SGCZ: variants seen among roughly 807,000 people sequenced by gnomAD.
The protein encoded by SGCZ is sarcoglycan zeta, also known as zeta-sarcoglycan.
Under a neutral mutation model 41.3 loss-of-function variants are expected in SGCZ, and 40 were observed. The observed-to-expected ratio is 0.97, with a 90% CI of 0.75 to 1.26. The LOEUF is 1.26. SGCZ is among the 50% of genes most tolerant of loss of function. The probability of loss-of-function intolerance (pLI) is 0.00; values close to 1 mark genes in which losing one functional copy is unlikely to be tolerated. For synonymous variants in SGCZ, 206 were observed against 137.5 expected (o/e 1.50, Z -3.49); for missense variants, 552 against 369.8 (o/e 1.49, Z -4.04).
intron 1 of SGCZ, among the ~76,000 whole-genome samples, chr8:14,929,724 T>G (rs1389329822): frequency 6.6e-6 from 1 of 152,026 alleles, no homozygotes; most frequent in African/African-American, 2.4e-5. Context: ...CTGACAGCAG[T>G]GGTATGAATG....
chr8:14,797,825 A>G (rs1007342160), intron 1 of SGCZ, among the ~76,000 whole-genome samples: 5 of 152,184 alleles, frequency 3.3e-5, no homozygotes, highest in Non-Finnish European at 5.9e-5. Flanking sequence ...TGCCCCAGCC[A>G]TGGCTTAAAG....
At chr8:14,971,439 C>G (rs1392369401) in intron 1 of SGCZ, among the ~76,000 whole-genome samples, 6 of 152,126 alleles carry the variant, frequency 3.9e-5, no homozygotes, top group East Asian at 3.9e-4. Context: ...TTTTGAGAAA[C>G]TGCATTTCTA....
chr8:14,643,917 A>G (rs1411150961), intron 1 of SGCZ, among the ~76,000 whole-genome samples: 17 of 151,772 alleles, frequency 1.1e-4, no homozygotes, highest in Non-Finnish European at 2.9e-5. Context: ...CAATGTATAA[A>G]TTAAAAATAA....
At position 14,090,325 on chromosome 8, in the gene SGCZ, G is replaced by T; in HGVS notation, c.*118C>A. ...TGGCGAATCCCTGCTCACACTGGAAGTTGCTCTGTGGACCATTCGAAGAAG... is the reference window on the plus strand; with the variant it reads ...TGGCGAATCCCTGCTCACACTGGAATTTGCTCTGTGGACCATTCGAAGAAG... On this transcript the variant is annotated 3_prime_UTR_variant, in exon 8 of 8. Transcript: ENST00000382080. The T allele has an allele frequency of 2.0e-6, 2 of 1,024,746 alleles. No individual in the cohort carries two copies. Among genetic ancestry groups the T allele is most frequent in the Non-Finnish European group, 2.8e-6 (2 of 720,164 alleles). 63.5% of individuals were successfully genotyped at this position (1,024,746 alleles called of 1,614,324 possible). A position where few individuals can be genotyped will look rare whatever the true frequency, so the allele number is the denominator to read the frequency against.
chr8:14,944,515 A>G (rs906760218), intron 1 of SGCZ, among the ~76,000 whole-genome samples: 6 of 152,238 alleles, frequency 3.9e-5, no homozygotes, highest in Admixed American at 6.5e-5. Context: ...AGGCCATTCT[A>G]TCACATTAAC....
intron 2 of SGCZ, among the ~76,000 whole-genome samples, chr8:14,326,004 CGGAAGGCTGAGGCA>C: frequency 6.8e-6 from 1 of 145,990 alleles, no homozygotes; most frequent in Admixed American, 7.0e-5. Context: ...CCCAGGTACT[CGGAAGGCTGAGGCA>C]GGAGAATGGC....
At chr8:14,552,793 C>T (rs974204304) in intron 2 of SGCZ, among the ~76,000 whole-genome samples, 3 of 151,980 alleles carry the variant, frequency 2.0e-5, no homozygotes, top group Admixed American at 6.6e-5. Context: ...TGTAATTACG[C>T]ATTTAAGTAT....
At chr8:14,340,811 A>G (rs1273161365) in intron 2 of SGCZ, among the ~76,000 whole-genome samples, 1 of 152,172 alleles carries the variant, frequency 6.6e-6, no homozygotes, top group Non-Finnish European at 1.5e-5. Flanking sequence ...AACCATTTAA[A>G]TAATTTTTAA....
chr8:15,207,421 A>G (rs1801102038), intron 1 of SGCZ, among the ~76,000 whole-genome samples: 2 of 152,218 alleles, frequency 1.3e-5, no homozygotes, highest in Non-Finnish European at 2.9e-5. Context: ...GAGGACAGAA[A>G]GGATCTGGTG....
chr8:15,156,630 C>T (rs1403089385), intron 1 of SGCZ, among the ~76,000 whole-genome samples: 1 of 152,160 alleles, frequency 6.6e-6, no homozygotes, highest in Non-Finnish European at 1.5e-5. Flanking sequence ...CTTATCTTTG[C>T]AATACATACC....
At chr8:15,219,636 G>A (rs1801525015) in intron 1 of SGCZ, among the ~76,000 whole-genome samples, 1 of 152,148 alleles carries the variant, frequency 6.6e-6, no homozygotes, top group Non-Finnish European at 1.5e-5. Context: ...TGGATACTGA[G>A]TAGCTGAGAT....
chr8:14,489,427 A>G (rs1165144007), intron 2 of SGCZ, among the ~76,000 whole-genome samples: 1 of 152,156 alleles, frequency 6.6e-6, no homozygotes. Flanking sequence ...ATTTTACCAA[A>G]TAGATTGACT....
At chr8:15,051,566 T>C (rs1804514831) in intron 1 of SGCZ, among the ~76,000 whole-genome samples, 1 of 152,166 alleles carries the variant, frequency 6.6e-6, no homozygotes, top group Non-Finnish European at 1.5e-5. Context: ...AGGTGTATGT[T>C]AAGCTTTAGG....
chr8:15,201,118 G>T (rs1010918818), intron 1 of SGCZ, among the ~76,000 whole-genome samples: 11 of 152,150 alleles, frequency 7.2e-5, no homozygotes, highest in African/African-American at 2.7e-4. Context: ...CCAGGTTCAG[G>T]CGATTCTCCC....
intron 4 of SGCZ, among the ~76,000 whole-genome samples, chr8:14,213,932 A>G (rs1446107288): frequency 1.3e-5 from 2 of 152,246 alleles, no homozygotes; most frequent in East Asian, 3.9e-4. Flanking sequence ...TAAGGTGGAA[A>G]AACTTAACTC....
At chr8:14,294,554 A>C (rs1027443028) in intron 3 of SGCZ, among the ~76,000 whole-genome samples, 3 of 152,060 alleles carry the variant, frequency 2.0e-5, no homozygotes, top group African/African-American at 7.2e-5. Flanking sequence ...AAATGTGAAA[A>C]AATTGTTAAA....
chr8:14,278,504 T>C (rs1009856859), intron 3 of SGCZ, among the ~76,000 whole-genome samples: 3 of 152,120 alleles, frequency 2.0e-5, no homozygotes, highest in African/African-American at 7.2e-5. Flanking sequence ...ATGATGAGTT[T>C]TTAGGATTAT....
intron 1 of SGCZ, among the ~76,000 whole-genome samples, chr8:14,874,277 A>C (rs1197612427): frequency 1.3e-5 from 2 of 152,146 alleles, no homozygotes; most frequent in East Asian, 3.8e-4. Flanking sequence ...GATCTGCTGT[A>C]CTGTTTAATT....
chr8:14,976,470 T>C (rs1219822625), intron 1 of SGCZ, among the ~76,000 whole-genome samples: 1 of 152,212 alleles, frequency 6.6e-6, no homozygotes, highest in Non-Finnish European at 1.5e-5. Context: ...TTCCAATTTT[T>C]TTATTTTTAA....
Sources: allele counts gnomAD v4.1 joint callset (sites outside exome capture counted in the v4.1 genomes callset), GRCh38; gene constraint gnomAD v4.1.1; transcripts MANE v1.5; gene names NCBI Gene and HGNC (gene_info 2026-07-23, HGNC 2026-07-21).